CNTN5: variants seen among roughly 807,000 people sequenced by gnomAD.
The protein encoded by CNTN5 is contactin 5, also known as contactin-5.
A neutral mutation model predicts 129.1 loss-of-function variants in CNTN5; 77 were observed. The ratio of observed to expected loss-of-function variants is 0.60; its 90% confidence interval spans 0.50 to 0.72. The LOEUF is 0.72. Among genes scored for constraint, CNTN5 ranks in the 30% least tolerant of loss-of-function variants. The probability of loss-of-function intolerance (pLI) is 0.00; values close to 1 mark genes in which losing one functional copy is unlikely to be tolerated. For synonymous variants in CNTN5, 509 were observed against 465.6 expected (o/e 1.09, Z -1.20); for missense variants, 1,478 against 1,328.8 (o/e 1.11, Z -1.75).
intron 21 of CNTN5, among the ~76,000 whole-genome samples, chr11:100,319,616 A>G (rs1951644827): frequency 6.6e-6 from 1 of 152,200 alleles, no homozygotes; most frequent in Admixed American, 6.5e-5. Flanking sequence ...ATTTTTAGAG[A>G]ATGCAATATA....
At chr11:99,737,074 CT>C (rs1465158850) in intron 3 of CNTN5, among the ~76,000 whole-genome samples, 1 of 152,058 alleles carries the variant, frequency 6.6e-6, no homozygotes, top group Non-Finnish European at 1.5e-5. Context: ...ACGTTTTGCC[CT>C]CTTTTTTTAC....
intron 3 of CNTN5, among the ~76,000 whole-genome samples, chr11:99,780,296 T>A (rs752665373): frequency 2.0e-5 from 3 of 152,066 alleles, no homozygotes; most frequent in Admixed American, 6.6e-5. Context: ...AGATTATCAA[T>A]GCTGAAGAAG....
At chr11:100,132,544 T>C (rs1398741344) in intron 13 of CNTN5, among the ~76,000 whole-genome samples, 7 of 152,154 alleles carry the variant, frequency 4.6e-5, no homozygotes, top group Non-Finnish European at 7.4e-5. Flanking sequence ...TGTTTCTAGT[T>C]TATTTTTACA....
At chr11:100,239,692 G>T (rs1167978758) in intron 16 of CNTN5, among the ~76,000 whole-genome samples, 1 of 152,014 alleles carries the variant, frequency 6.6e-6, no homozygotes, top group Non-Finnish European at 1.5e-5. Flanking sequence ...CAATAAAACC[G>T]AATAGTGTGA....
intron 3 of CNTN5, among the ~76,000 whole-genome samples, chr11:99,784,599 T>A (rs1354411031): frequency 1.3e-5 from 2 of 152,038 alleles, no homozygotes; most frequent in Non-Finnish European, 1.5e-5. Context: ...AGTCATAGGA[T>A]TGCTGGGTCA....
chr11:99,918,599 C>A (rs984394760), intron 7 of CNTN5, among the ~76,000 whole-genome samples: 2 of 152,088 alleles, frequency 1.3e-5, no homozygotes, highest in African/African-American at 4.8e-5. Context: ...AGTCACACAC[C>A]AATTAGCATT....
chr11:99,669,603 T>C (rs1952953276), intron 3 of CNTN5, among the ~76,000 whole-genome samples: 1 of 152,094 alleles, frequency 6.6e-6, no homozygotes, highest in South Asian at 2.1e-4. Context: ...TATTTCCCTG[T>C]TTGATATATT....
At chr11:99,130,683 T>C (rs1161886443) in intron 1 of CNTN5, among the ~76,000 whole-genome samples, 3 of 124,158 alleles carry the variant, frequency 2.4e-5, no homozygotes, top group African/African-American at 9.3e-5. Flanking sequence ...ACATAGCACT[T>C]ACTGTGAAAT....
chr11:99,268,277 T>C (rs1863004386), intron 1 of CNTN5, among the ~76,000 whole-genome samples: 2 of 151,850 alleles, frequency 1.3e-5, no homozygotes, highest in Admixed American at 1.3e-4. Context: ...GTAGAACCAA[T>C]GAGTTGGAGA....
intron 3 of CNTN5, among the ~76,000 whole-genome samples, chr11:99,787,315 AG>A (rs1945567058): frequency 6.6e-6 from 1 of 151,700 alleles, no homozygotes; most frequent in African/African-American, 2.4e-5. Context: ...TTATCATTTA[AG>A]AGACAGTGAT....
At chr11:99,525,980 G>A (rs1269463456) in intron 2 of CNTN5, among the ~76,000 whole-genome samples, 10 of 147,418 alleles carry the variant, frequency 6.8e-5, no homozygotes, top group Admixed American at 6.7e-4. Context: ...ACATTTAAAA[G>A]GCATTATACA....
At position 99,525,191 on chromosome 11, in the gene CNTN5, A is replaced by G. The variant is rs974803311; in HGVS notation, c.-70-30954A>G. On this transcript the variant is annotated intron_variant, in intron 2 of 24. Transcript: ENST00000524871. ...AAGACCTATCTTCTAGCAAAATATT[A>G]TAAACTTTAAAGCAAGATCAAAACT... Among the ~76,000 whole-genome samples, 3 of 152,104 alleles carry G rather than the reference A, an allele frequency of 2.0e-5. No homozygotes were observed. In the East Asian group the frequency reaches 5.8e-4, roughly 29 times the overall value.
chr11:99,041,157 G>A (rs902937733), intron 1 of CNTN5, among the ~76,000 whole-genome samples: 4 of 152,034 alleles, frequency 2.6e-5, no homozygotes, highest in Admixed American at 2.6e-4. Flanking sequence ...TTACCACCAG[G>A]AGCCAACTCC....
chr11:99,413,917 A>G (rs1942516479), intron 2 of CNTN5, among the ~76,000 whole-genome samples: 1 of 152,232 alleles, frequency 6.6e-6, no homozygotes, highest in South Asian at 2.1e-4. Context: ...TTGCTTATGC[A>G]TAAATTAAAT....
chr11:100,030,899 C>G (rs1941673686), intron 9 of CNTN5, among the ~76,000 whole-genome samples: 1 of 152,068 alleles, frequency 6.6e-6, no homozygotes, highest in African/African-American at 2.4e-5. Flanking sequence ...GGATCTAGAG[C>G]TGGAAGACCA....
At chr11:100,136,900 T>A (rs1308149570) in intron 13 of CNTN5, among the ~76,000 whole-genome samples, 6 of 151,930 alleles carry the variant, frequency 3.9e-5, no homozygotes, top group Non-Finnish European at 7.4e-5. Context: ...AAGAAAAGTC[T>A]ATGGTAATGT....
chr11:99,623,485 A>G (rs73540836), intron 3 of CNTN5, among the ~76,000 whole-genome samples: 3,760 of 152,168 alleles, frequency 0.025, 165 homozygotes, highest in African/African-American at 0.085. Flanking sequence ...ATTTTCCCAA[A>G]TATTTCAACA....
intron 2 of CNTN5, among the ~76,000 whole-genome samples, chr11:99,440,408 A>T (rs201231431): frequency 1.1e-5 from 1 of 89,262 alleles, no homozygotes; most frequent in African/African-American, 3.2e-5. Flanking sequence ...CCTATAATTT[A>T]AAAAATTATA....
chr11:99,375,028 C>T (rs1215027749), intron 2 of CNTN5, among the ~76,000 whole-genome samples: 1 of 152,066 alleles, frequency 6.6e-6, no homozygotes, highest in Admixed American at 6.6e-5. Flanking sequence ...CTAGGCCGGG[C>T]GTGATGGTTC....
Sources: allele counts gnomAD v4.1 joint callset (sites outside exome capture counted in the v4.1 genomes callset), GRCh38; gene constraint gnomAD v4.1.1; transcripts MANE v1.5; gene names NCBI Gene and HGNC (gene_info 2026-07-23, HGNC 2026-07-21).